CPNE4: variants seen among roughly 807,000 people sequenced by gnomAD.
CPNE4 encodes the protein copine-4.
CPNE4 carries 25 observed loss-of-function variants against 67.9 expected under a neutral mutation model. The ratio of observed to expected loss-of-function variants is 0.37; its 90% confidence interval spans 0.27 to 0.51. CPNE4 has a LOEUF of 0.51. CPNE4 is among the 20% of genes least tolerant of loss of function. CPNE4 has a pLI of 0.93. For missense variants in CPNE4, 464 were observed against 690.8 expected, an observed-to-expected ratio of 0.67 and a Z score of 3.68; for synonymous variants, 242 against 244.9, an observed-to-expected ratio of 0.99 and a Z score of 0.11.
At chr3:131,621,375 G>C (rs1402219220) in intron 7 of CPNE4, among the ~76,000 whole-genome samples, 2 of 152,048 alleles carry the variant, frequency 1.3e-5, no homozygotes, top group Admixed American at 6.6e-5. Flanking sequence ...CTCTGGAGTA[G>C]CTAGGACCAC....
At chr3:131,716,576 A>G (rs1465939186) in intron 3 of CPNE4, among the ~76,000 whole-genome samples, 1 of 152,140 alleles carries the variant, frequency 6.6e-6, no homozygotes, top group Non-Finnish European at 1.5e-5. Flanking sequence ...TTCACGCTGT[A>G]TGTTTCCCCC....
intron 7 of CPNE4, among the ~76,000 whole-genome samples, chr3:131,631,313 C>T (rs1459255763): frequency 6.6e-6 from 1 of 152,078 alleles, no homozygotes; most frequent in African/African-American, 2.4e-5. Context: ...AATCCAATCC[C>T]CATCCTTTGA....
chr3:131,819,712 A>G (rs1168856685), intron 2 of CPNE4, among the ~76,000 whole-genome samples: 10 of 152,196 alleles, frequency 6.6e-5, no homozygotes, highest in Non-Finnish European at 1.2e-4. Context: ...TTACATTGAA[A>G]TTTTTGAAAA....
At chr3:131,961,676 A>G (rs7650794) in intron 1 of CPNE4, among the ~76,000 whole-genome samples, 11,037 of 152,182 alleles carry the variant, frequency 0.073, 1,282 homozygotes, top group African/African-American at 0.25. Flanking sequence ...GACTCTTAAG[A>G]TCCACACCTA....
intron 2 of CPNE4, among the ~76,000 whole-genome samples, chr3:131,760,128 C>A (rs1028041031): frequency 6.6e-6 from 1 of 152,140 alleles, no homozygotes; most frequent in Non-Finnish European, 1.5e-5. Flanking sequence ...AGAATCAATT[C>A]CATCATTACT....
upstream of CPNE4, among the ~76,000 whole-genome samples, chr3:132,038,900 T>C (rs924106346): frequency 6.6e-6 from 1 of 152,194 alleles, no homozygotes; most frequent in Non-Finnish European, 1.5e-5. Flanking sequence ...CTCCAAACCT[T>C]CATTTTCCAG....
chr3:131,655,489 A>G (rs1045737263), intron 7 of CPNE4, among the ~76,000 whole-genome samples: 1 of 152,222 alleles, frequency 6.6e-6, no homozygotes, highest in African/African-American at 2.4e-5. Context: ...TGCAGGGCAG[A>G]TGAGCTAGAG....
chr3:131,801,420 G>GTC (rs761078969), intron 2 of CPNE4, among the ~76,000 whole-genome samples: 1 of 75,642 alleles, frequency 1.3e-5, no homozygotes, highest in Non-Finnish European at 2.5e-5. Context: ...ATATACGTGT[G>GTC]TGTGTGTGTG....
chr3:131,784,407 C>T (rs2083500726), intron 2 of CPNE4, among the ~76,000 whole-genome samples: 1 of 152,074 alleles, frequency 6.6e-6, no homozygotes, highest in African/African-American at 2.4e-5. Flanking sequence ...CTGATTTCTG[C>T]CGCAACTGTG....
chr3:131,677,151 A>C (rs1172743653), intron 6 of CPNE4, among the ~76,000 whole-genome samples: 1 of 151,434 alleles, frequency 6.6e-6, no homozygotes, highest in African/African-American at 2.4e-5. Flanking sequence ...GCTTTTTTTC[A>C]TATGATTGTT....
At chr3:131,899,066 T>A (rs2107760907) in intron 2 of CPNE4, among the ~76,000 whole-genome samples, 1 of 152,268 alleles carries the variant, frequency 6.6e-6, no homozygotes, top group South Asian at 2.1e-4. Context: ...GAAGCTTGTC[T>A]GTGATATCCA....
At chr3:131,737,882 T>C (rs1470087564) in intron 2 of CPNE4, among the ~76,000 whole-genome samples, 1 of 152,196 alleles carries the variant, frequency 6.6e-6, no homozygotes, top group African/African-American at 2.4e-5. Context: ...AAATGTCTTA[T>C]TTATTCATCT....
chr3:131,872,954 T>TAA (rs143989354), intron 2 of CPNE4, among the ~76,000 whole-genome samples: 10,325 of 152,294 alleles, frequency 0.068, 474 homozygotes, highest in Middle Eastern at 0.14. Context: ...CTGTCTTAAT[T>TAA]CTTCACCCAC....
chr3:131,678,179 C>CT (rs1560100317), intron 6 of CPNE4, among the ~76,000 whole-genome samples: 2 of 150,704 alleles, frequency 1.3e-5, no homozygotes, highest in African/African-American at 4.9e-5. Flanking sequence ...GCATGTCACT[C>CT]TTTTTTTTTA....
chr3:131,722,435 C>T (rs1254112763), intron 3 of CPNE4, among the ~76,000 whole-genome samples: 2 of 136,994 alleles, frequency 1.5e-5, no homozygotes, highest in African/African-American at 5.1e-5. Context: ...GGTCTCTTCC[C>T]ACCCCATACC....
chr3:131,573,389 G>A (rs1280260760), intron 10 of CPNE4, among the ~76,000 whole-genome samples: 3 of 152,110 alleles, frequency 2.0e-5, no homozygotes, highest in Non-Finnish European at 4.4e-5. Flanking sequence ...AGCAGACTGA[G>A]AAAGGAGGGG....
At chr3:131,865,065 A>G (rs1230884324) in intron 2 of CPNE4, among the ~76,000 whole-genome samples, 2 of 152,088 alleles carry the variant, frequency 1.3e-5, no homozygotes, top group Non-Finnish European at 2.9e-5. Flanking sequence ...CCACTTGATC[A>G]TGGTGGATAA....
At chr3:131,579,524 T>C (rs1360326492) in intron 9 of CPNE4, among the ~76,000 whole-genome samples, 2 of 152,210 alleles carry the variant, frequency 1.3e-5, no homozygotes, top group African/African-American at 4.8e-5. Flanking sequence ...TTCTGATAGA[T>C]CTCAGAAAAG....
At position 131,535,183 on chromosome 3, in the gene CPNE4, T is replaced by C. The variant is rs747869015; in HGVS notation, c.*12A>G. On this transcript the variant is annotated 3_prime_UTR_variant, in exon 16 of 16. Coordinates refer to ENST00000429747, the MANE Select transcript of CPNE4 (RefSeq NM_130808.3). The stretch of plus-strand genomic sequence containing the variant: ...ATAGTATTTCAGAACTCTGTAAAAC[T>C]GTGTGGGGAGTTCATGGTGCTAGTG... 1.9e-6 allele frequency: 3 copies of C among 1,600,288 alleles called. No individual in the cohort carries two copies. The highest frequency in any genetic ancestry group is 2.6e-6 in the Non-Finnish European group (3 of 1,174,574).
Sources: allele counts gnomAD v4.1 joint callset (sites outside exome capture counted in the v4.1 genomes callset), GRCh38; gene constraint gnomAD v4.1.1; transcripts MANE v1.5; gene names NCBI Gene and HGNC (gene_info 2026-07-23, HGNC 2026-07-21).